The following NRXN3 variants were observed in gnomAD, a reference collection of about 807,000 sequenced individuals.
NRXN3 encodes neurexin 3.
Under a neutral mutation model 137.6 loss-of-function variants are expected in NRXN3, and 32 were observed. The ratio of observed to expected loss-of-function variants is 0.23; its 90% CI spans 0.18 to 0.31. NRXN3 has a LOEUF of 0.31. Ranked by LOEUF, NRXN3 falls within the 10% of genes least tolerant of loss-of-function variation. The pLI is 1.00. For missense variants in NRXN3, 1,574 were observed against 2,062.5 expected, an observed-to-expected ratio of 0.76 and a Z score of 4.59; for synonymous variants, 798 against 784.5, an observed-to-expected ratio of 1.02 and a Z score of -0.29.
intron 4 of NRXN3, among the ~76,000 whole-genome samples, chr14:78,550,660 C>T (rs1273041073): frequency 2.6e-5 from 4 of 151,994 alleles, no homozygotes; most frequent in Non-Finnish European, 2.9e-5. Flanking sequence ...AAGCTCTGCC[C>T]GGGATGTATG....
intron 4 of NRXN3, among the ~76,000 whole-genome samples, chr14:78,333,086 G>A (rs1357293037): frequency 1.3e-5 from 2 of 152,178 alleles, no homozygotes; most frequent in African/African-American, 4.8e-5. Context: ...TTGGTCCCTG[G>A]ATAAATTTGC....
chr14:78,777,292 C>A (rs2098747644), intron 8 of NRXN3, among the ~76,000 whole-genome samples: 1 of 152,102 alleles, frequency 6.6e-6, no homozygotes. Context: ...TGGCACAGAA[C>A]AAAAGTGAAG....
chr14:78,336,849 A>G (rs1185369109), intron 4 of NRXN3, among the ~76,000 whole-genome samples: 4 of 152,112 alleles, frequency 2.6e-5, no homozygotes, highest in East Asian at 1.9e-4. Context: ...TTGTGATGCA[A>G]TTCATTGGAC....
At chr14:79,697,270 A>G (rs1444000302) in intron 18 of NRXN3, among the ~76,000 whole-genome samples, 1 of 151,978 alleles carries the variant, frequency 6.6e-6, no homozygotes, top group Non-Finnish European at 1.5e-5. Context: ...TTAATGCAGT[A>G]GGTATCCGTA....
intron 15 of NRXN3, among the ~76,000 whole-genome samples, chr14:79,073,838 C>G (rs2099691596): frequency 6.6e-6 from 1 of 152,178 alleles, no homozygotes. Context: ...TCAAGCCAGA[C>G]TGCCTGTGCT....
chr14:78,998,599 AT>A (rs113146494), intron 15 of NRXN3, among the ~76,000 whole-genome samples: 17,284 of 139,926 alleles, frequency 0.12, 2,695 homozygotes, highest in African/African-American at 0.39. Flanking sequence ...GCTACATTAA[AT>A]TTTTTTTTTT....
chr14:78,950,644 A>G (rs1345189205), intron 10 of NRXN3, among the ~76,000 whole-genome samples: 3 of 151,960 alleles, frequency 2.0e-5, no homozygotes, highest in Non-Finnish European at 4.4e-5. Flanking sequence ...AAAGAAGGAA[A>G]GAAGGAAGGA....
At chr14:79,119,991 A>G (rs1222406097) in intron 15 of NRXN3, among the ~76,000 whole-genome samples, 1 of 152,176 alleles carries the variant, frequency 6.6e-6, no homozygotes, top group Non-Finnish European at 1.5e-5. Context: ...ACTATGTTTT[A>G]TGTAATAATA....
intron 4 of NRXN3, among the ~76,000 whole-genome samples, chr14:78,433,555 C>T (rs1409736978): frequency 1.3e-5 from 2 of 152,068 alleles, no homozygotes; most frequent in Middle Eastern, 3.2e-3. Context: ...TGGGCTGTAC[C>T]CTATGAATGG....
intron 15 of NRXN3, among the ~76,000 whole-genome samples, chr14:79,081,897 G>T (rs2047087401): frequency 6.6e-6 from 1 of 152,004 alleles, no homozygotes; most frequent in Admixed American, 6.6e-5. Context: ...ATGCCATATA[G>T]ATAGAACAAA....
At chr14:79,342,992 G>A (rs180799877) in intron 15 of NRXN3, among the ~76,000 whole-genome samples, 174 of 152,190 alleles carry the variant, frequency 1.1e-3, no homozygotes, top group Admixed American at 2.7e-3. Context: ...TGGTCAGGTT[G>A]GCAATGGAAT....
chr14:78,339,688 C>T (rs1014721600), intron 4 of NRXN3, among the ~76,000 whole-genome samples: 2 of 152,034 alleles, frequency 1.3e-5, no homozygotes, highest in African/African-American at 4.8e-5. Context: ...CATGTGGACC[C>T]TTAAGATGAG....
At chr14:78,313,158 C>T (rs537662689) in intron 4 of NRXN3, among the ~76,000 whole-genome samples, 1 of 152,232 alleles carries the variant, frequency 6.6e-6, no homozygotes, top group South Asian at 2.1e-4. Context: ...AGCCGGCTTC[C>T]CTCCAAAAAT....
intron 10 of NRXN3, among the ~76,000 whole-genome samples, chr14:78,866,351 C>A (rs78325602): frequency 0.021 from 3,261 of 152,208 alleles, 128 homozygotes; most frequent in African/African-American, 0.075. Flanking sequence ...ATCCCTGAGG[C>A]ATTAATGAAA....
intron 15 of NRXN3, among the ~76,000 whole-genome samples, chr14:79,376,242 A>ATATATAT (rs2094292032): frequency 9.5e-6 from 1 of 104,942 alleles, no homozygotes; most frequent in Non-Finnish European, 2.1e-5. Context: ...ATATATATAT[A>ATATATAT]TATATATATA....
intron 16 of NRXN3, among the ~76,000 whole-genome samples, chr14:79,604,296 G>A (rs2097969014): frequency 6.6e-6 from 1 of 151,998 alleles, no homozygotes; most frequent in East Asian, 1.9e-4. Flanking sequence ...GTGCAGTGGT[G>A]TGATCTCAGC....
chr14:79,372,754 A>G (rs1051603422), intron 15 of NRXN3, among the ~76,000 whole-genome samples: 1 of 152,094 alleles, frequency 6.6e-6, no homozygotes, highest in Non-Finnish European at 1.5e-5. Context: ...TGGGAAGACA[A>G]ATTTTCTGAA....
chr14:79,197,046 A>G lies in NRXN3; in HGVS notation c.3262+208905A>G, dbSNP rs560594919. 2.6e-5 allele frequency among the ~76,000 whole-genome samples: 4 copies of G among 152,246 alleles called. No homozygotes were observed. The South Asian group carries it at 8.3e-4, about 32-fold the overall frequency. ...GTGGGCTAGGTCAGCTCTATTACAC[A>G]TCTCTTATCCTATTTCTGGGTCCAG... On this transcript the variant is annotated intron_variant, in intron 15 of 20. Coordinates refer to ENST00000335750, the MANE Select transcript of NRXN3 (RefSeq NM_001330195.2).
chr14:78,839,900 A>G (rs979250265), intron 10 of NRXN3, among the ~76,000 whole-genome samples: 49 of 152,342 alleles, frequency 3.2e-4, no homozygotes, highest in African/African-American at 1.1e-3. Flanking sequence ...CACTGATCCA[A>G]TAAGGAAAAC....
Sources: gnomAD v4.1 joint callset for allele counts (sites outside exome capture counted in the v4.1 genomes callset) on GRCh38, gnomAD v4.1.1 for gene constraint, MANE v1.5 for transcripts, NCBI Gene and HGNC (gene_info 2026-07-23, HGNC 2026-07-21) for gene names.